The following LRMDA variants were observed in gnomAD, a reference collection of about 807,000 sequenced individuals.
LRMDA encodes leucine-rich melanocyte differentiation-associated protein.
In LRMDA, 18 loss-of-function variants were observed where a neutral mutation model predicts 29.8. That is an observed-to-expected ratio of 0.60 (90% CI 0.42 to 0.90). The LOEUF (loss-of-function observed/expected upper bound fraction) is 0.90, where lower values mean the gene tolerates loss of function less well. LRMDA is among the 40% of genes least tolerant of loss of function. The pLI, the probability that LRMDA is intolerant of heterozygous loss-of-function variation, is 0.00. For missense variants in LRMDA, 273 were observed against 273.9 expected, an observed-to-expected ratio of 1.00 and a Z score of 0.02; for synonymous variants, 125 against 109.4, an observed-to-expected ratio of 1.14 and a Z score of -0.89.
chr10:76,200,206 CT>C (rs1851401816), intron 5 of LRMDA, among the ~76,000 whole-genome samples: 1 of 152,156 alleles, frequency 6.6e-6, no homozygotes, highest in Non-Finnish European at 1.5e-5. Context: ...TGAAGCAATC[CT>C]CCTGCCTCTG....
At chr10:76,131,343 T>C (rs922556569) in intron 5 of LRMDA, among the ~76,000 whole-genome samples, 1 of 152,142 alleles carries the variant, frequency 6.6e-6, no homozygotes, top group Non-Finnish European at 1.5e-5. Flanking sequence ...CTTTCCCTAA[T>C]TCCTCTCAGC....
rs34666507 is a variant in LRMDA, at chr10:75,916,164, A to ATGTGTGTGTG, written c.132-119821_132-119812dup. On this transcript the variant is annotated intron_variant, in intron 2 of 6. Transcript: ENST00000611255. Reference sequence around the variant, plus strand: ...AATGGGCATGGCCATTGCCAGGCCTATGTGTGTGTGTGTGTGTGTGTGTGT... The same window carrying ATGTGTGTGTG: ...AATGGGCATGGCCATTGCCAGGCCTATGTGTGTGTGTGTGTGTGTGTGTGTGTGTGTGTGT... 4.9e-3 allele frequency among the ~76,000 whole-genome samples: 606 copies of ATGTGTGTGTG among 124,480 alleles called. 2 individuals are homozygous for ATGTGTGTGTG. Among genetic ancestry groups the ATGTGTGTGTG allele is most frequent in the Non-Finnish European group, 7.5e-3 (393 of 52,550 alleles). The allele number at this position is 124,480 out of a possible 152,430, so 81.7% of individuals were successfully genotyped here. A position where few individuals can be genotyped will look rare whatever the true frequency, so the allele number is the denominator to read the frequency against.
intron 2 of LRMDA, among the ~76,000 whole-genome samples, chr10:76,029,929 T>A (rs1379457240): frequency 6.6e-6 from 1 of 152,144 alleles, no homozygotes; most frequent in African/African-American, 2.4e-5. Flanking sequence ...GAGGTCTCGC[T>A]CTGTTGCCCA....
intron 2 of LRMDA, among the ~76,000 whole-genome samples, chr10:75,653,221 A>C (rs1192489632): frequency 6.6e-6 from 1 of 152,236 alleles, no homozygotes; most frequent in Non-Finnish European, 1.5e-5. Context: ...ACATGGATTC[A>C]GAATTCTTTA....
At chr10:76,336,844 C>T (rs1188834786) in intron 6 of LRMDA, among the ~76,000 whole-genome samples, 1 of 152,108 alleles carries the variant, frequency 6.6e-6, no homozygotes, top group Non-Finnish European at 1.5e-5. Context: ...AGATGCAGTC[C>T]CTTTTTTGTT....
chr10:76,532,596 A>G (rs1036406949), intron 6 of LRMDA, among the ~76,000 whole-genome samples: 2 of 151,870 alleles, frequency 1.3e-5, no homozygotes. Context: ...TGTGATGGGT[A>G]GTGCACAGAA....
chr10:75,613,296 C>T lies in LRMDA; in HGVS notation c.131+174802C>T, dbSNP rs944174801. ...TTCTCTGTTATAAAAATAACACATA[C>T]ATCAGACTTGCAGATAGCTACTAGC... is the stretch of plus-strand genomic sequence containing the variant. On this transcript the variant is annotated intron_variant, in intron 2 of 6. Transcript: ENST00000611255. 2.0e-5 allele frequency among the ~76,000 whole-genome samples: 3 copies of T among 152,134 alleles called. 1 individual carries two copies. The highest frequency in any genetic ancestry group is 4.1e-4 in the South Asian group (2 of 4,828).
chr10:75,589,342 CTTA>C (rs1350247140), intron 2 of LRMDA, among the ~76,000 whole-genome samples: 4 of 152,124 alleles, frequency 2.6e-5, no homozygotes, highest in Non-Finnish European at 5.9e-5. Context: ...TTGCATTTCT[CTTA>C]TTATGAATGA....
intron 6 of LRMDA, among the ~76,000 whole-genome samples, chr10:76,361,624 G>T (rs1327100793): frequency 6.6e-6 from 1 of 152,036 alleles, no homozygotes; most frequent in African/African-American, 2.4e-5. Flanking sequence ...ACTACTTAAG[G>T]CAGAAAAATC....
chr10:76,413,860 G>C (rs918896879), intron 6 of LRMDA, among the ~76,000 whole-genome samples: 2 of 152,122 alleles, frequency 1.3e-5, no homozygotes, highest in African/African-American at 4.8e-5. Flanking sequence ...TTGAGCACTT[G>C]CCTGGTAAAG....
chr10:75,853,933 C>T (rs1424704393), intron 2 of LRMDA, among the ~76,000 whole-genome samples: 1 of 152,128 alleles, frequency 6.6e-6, no homozygotes, highest in Non-Finnish European at 1.5e-5. Flanking sequence ...GGTCTTTCTG[C>T]CTTGCTTCTG....
intron 6 of LRMDA, among the ~76,000 whole-genome samples, chr10:76,404,794 A>G (rs1841885860): frequency 6.6e-6 from 1 of 152,208 alleles, no homozygotes; most frequent in African/African-American, 2.4e-5. Context: ...AAGGAACTTG[A>G]GATGGAGAGA....
chr10:75,521,742 T>C lies in LRMDA; in HGVS notation c.131+83248T>C, dbSNP rs536589375. ...CACTGTCCAACCAGTCCCAATGAGA[T>C]GAACCAGGTACCTCAGTTGGAAATG... is the stretch of plus-strand genomic sequence containing the variant. On this transcript the variant is annotated intron_variant, in intron 2 of 6. Coordinates refer to ENST00000611255, the MANE Select transcript of LRMDA (RefSeq NM_001305581.2). Among the ~76,000 whole-genome samples, 108 of 152,360 alleles carry C rather than the reference T, an allele frequency of 7.1e-4. 1 individual carries two copies. The highest frequency in any genetic ancestry group is 2.5e-3 in the African/African-American group (105 of 41,590).
chr10:75,443,004 T>C (rs1401070027), intron 2 of LRMDA, among the ~76,000 whole-genome samples: 1 of 152,132 alleles, frequency 6.6e-6, no homozygotes, highest in Non-Finnish European at 1.5e-5. Context: ...TTAAGTTTTT[T>C]GGATAATTCT....
chr10:76,247,421 C>A (rs549676339), intron 5 of LRMDA, among the ~76,000 whole-genome samples: 2 of 152,142 alleles, frequency 1.3e-5, no homozygotes, highest in African/African-American at 2.4e-5. Context: ...GGGGACTGAG[C>A]AAGCCATTTC....
At chr10:76,553,890 C>T (rs533635921) in intron 6 of LRMDA, among the ~76,000 whole-genome samples, 5 of 152,186 alleles carry the variant, frequency 3.3e-5, no homozygotes, top group East Asian at 3.9e-4. Context: ...ACTGCCAGGC[C>T]GTCCCCACGC....
chr10:76,490,206 CTAACA>C (rs1249572841), intron 6 of LRMDA, among the ~76,000 whole-genome samples: 6 of 151,966 alleles, frequency 3.9e-5, no homozygotes, highest in South Asian at 4.2e-4. Flanking sequence ...GTTTTGTCAC[CTAACA>C]TAAGATTTGT....
At chr10:76,470,932 T>C (rs1842610834) in intron 6 of LRMDA, among the ~76,000 whole-genome samples, 1 of 152,004 alleles carries the variant, frequency 6.6e-6, no homozygotes, top group Non-Finnish European at 1.5e-5. Context: ...AATTTTGTTA[T>C]GCACGTTAAC....
chr10:75,855,326 G>A lies in LRMDA; in HGVS notation c.132-180682G>A, dbSNP rs2132315483. Among the ~76,000 whole-genome samples the A allele has an allele frequency of 2.6e-5, 4 of 152,304 alleles. No homozygotes were observed. The South Asian group carries it at 8.3e-4, about 32-fold the overall frequency. ...CATTTCTCTGATGGCCAGTGATGAT[G>A]AGCATTTTTTCATGTGTCTGTTGGC... On this transcript the variant is annotated intron_variant, in intron 2 of 6. Transcript: ENST00000611255.
Sources: allele counts gnomAD v4.1 joint callset (sites outside exome capture counted in the v4.1 genomes callset), GRCh38; gene constraint gnomAD v4.1.1; transcripts MANE v1.5; gene names NCBI Gene and HGNC (gene_info 2026-07-23, HGNC 2026-07-21).